Variants in CARD10 observed in about 807,000 individuals in gnomAD.
CARD10 encodes caspase recruitment domain family member 10.
In CARD10, 49 loss-of-function variants were observed where a neutral mutation model predicts 114.6. That is an observed-to-expected ratio of 0.43 (90% CI 0.34 to 0.54). The LOEUF is 0.54. Among genes scored for constraint, CARD10 ranks in the 20% least tolerant of loss-of-function variants. CARD10 has a pLI of 0.03. For synonymous variants in CARD10, 602 were observed against 593.2 expected (o/e 1.01, Z -0.21); for missense variants, 1,206 against 1,397.2 (o/e 0.86, Z 2.18).
In CARD10 at chr22:37,492,392, G is replaced by A. The variant is rs764156948; in HGVS notation, c.2751+43C>T. ...AGCCCAGAACAGCAGCACCCGCTCT[G>A]GGCCACCTCTGTGAGCACCCCAGGC... On this transcript the variant is annotated intron_variant, in intron 18 of 19. Transcript: ENST00000251973. This position sits in a 1 kb window ranked among gnomAD's most constrained non-coding sequence, Gnocchi z 5.7. 7.1e-7 allele frequency: 1 copy of A among 1,405,368 alleles called. No homozygotes were observed. Among genetic ancestry groups the A allele is most frequent in the Non-Finnish European group, 9.6e-7 (1 of 1,037,798 alleles). The allele number at this position is 1,405,368 out of a possible 1,614,324, so 87.1% of individuals were successfully genotyped here.
At chr22:37,494,049 A>G in intron 16 of CARD10, 37 bp downstream of exon 16, 1 of 1,408,034 alleles carries the variant, frequency 7.1e-7, no homozygotes, top group Non-Finnish European at 9.8e-7. Flanking sequence ...GGACAATGGG[A>G]GCAACACGGG....
chr22:37,508,510 C>G lies in CARD10; in HGVS notation c.1065+17G>C, dbSNP rs747459548. On this transcript the variant is annotated intron_variant, in intron 5 of 19. Coordinates refer to ENST00000251973, the MANE Select transcript of CARD10 (RefSeq NM_014550.4). ...ACACCCTCCCGCACAAGGGGCAGGG[C>G]ACGGGCAGGGCCCCACCTGGTCGCG... 5 of 1,576,978 alleles carry G rather than the reference C, an allele frequency of 3.2e-6. No individual in the cohort carries two copies.
In CARD10 at chr22:37,491,818, T is replaced by C. The variant is rs1247948624; in HGVS notation, c.2801A>G (p.Gln934Arg). 1.3e-6 allele frequency: 2 copies of C among 1,586,124 alleles called. No individual in the cohort carries two copies. The highest frequency in any genetic ancestry group is 2.2e-5 in the South Asian group (2 of 90,236). ...GATGACGATGGGGTAGATCTCGTTC[T>C]GCACCAGCTCCCGCACACCCCGAGC... ...LGARGVRELV[Q>R]NEIYPIVIHV... Residue 934 changes from glutamine (Q) to arginine (R), a missense_variant, in exon 19 of 20, where the codon CAG (glutamine) becomes CGG (arginine). Transcript: ENST00000251973.
chr22:37,500,233 C>T (rs1056479020), intron 11 of CARD10, among the ~76,000 whole-genome samples: 1 of 152,218 alleles, frequency 6.6e-6, no homozygotes, highest in African/African-American at 2.4e-5. Flanking sequence ...AGAATGGGCA[C>T]AGCTAGTGGG....
chr22:37,505,779 T>C (rs1403954037), intron 7 of CARD10, among the ~76,000 whole-genome samples: 2 of 152,118 alleles, frequency 1.3e-5, no homozygotes, highest in African/African-American at 2.4e-5. Flanking sequence ...CTCTGGGCCC[T>C]GTGCGATGAG....
In CARD10 at chr22:37,492,886, C is replaced by T. The variant is rs945666761; in HGVS notation, c.2477-84G>A. On this transcript the variant is annotated intron_variant, in intron 16 of 19. Transcript: ENST00000251973. This position sits in a 1 kb window ranked among gnomAD's most constrained non-coding sequence, Gnocchi z 5.7. ...GTCGATACCCCAAAACCCACCCCGC[C>T]ACCCATCCCTTCCTAAGTCCTGCTG... 16 of 1,414,248 alleles carry T rather than the reference C, an allele frequency of 1.1e-5. No individual in the cohort carries two copies. Among genetic ancestry groups the T allele is most frequent in the Non-Finnish European group, 1.5e-5 (16 of 1,045,306 alleles). The allele number at this position is 1,414,248 out of a possible 1,614,324, so 87.6% of individuals were successfully genotyped here.
chr22:37,508,801 T>C, intron 4 of CARD10, 119 bp from the exon 5 acceptor site: 2 of 1,280,040 alleles, frequency 1.6e-6, no homozygotes, highest in South Asian at 2.9e-5. Flanking sequence ...TCTGCCATGC[T>C]GGCCCGGGGC....
intron 3 of CARD10, among the ~76,000 whole-genome samples, chr22:37,514,445 TC>T (rs534696075): frequency 1.2e-3 from 190 of 152,166 alleles, no homozygotes; most frequent in Admixed American, 2.6e-3. Flanking sequence ...TCAGAAAGCC[TC>T]CGTCTCCTGC....
intron 2 of CARD10, among the ~76,000 whole-genome samples, chr22:37,517,535 G>C (rs999175230): frequency 1.3e-5 from 2 of 152,034 alleles, no homozygotes; most frequent in Non-Finnish European, 2.9e-5. Flanking sequence ...CCAGCTACTC[G>C]GGAGGCTGAG....
chr22:37,505,637 C>CAAA (rs1053786440), intron 7 of CARD10, among the ~76,000 whole-genome samples: 6 of 109,720 alleles, frequency 5.5e-5, no homozygotes, highest in Non-Finnish European at 9.6e-5. Flanking sequence ...GATTCTGTCT[C>CAAA]AAAAAAAAAA....
rs1023894743 is a variant in CARD10 at position 37,501,354 on chromosome 22, A to G, written c.1787+1248T>C. ...CAGCCAGGACCCCTGCTGCAGCCCA[A>G]ACTGGAGGAAGGGAGGAAGGGCCGA... On this transcript the variant is annotated intron_variant, in intron 11 of 19. Transcript: ENST00000251973. The surrounding 1 kb of genome is among the most constrained non-coding windows in gnomAD (Gnocchi z 5.4). Among the ~76,000 whole-genome samples, 3 of 152,120 alleles carry G rather than the reference A, an allele frequency of 2.0e-5. No homozygotes were observed. Among genetic ancestry groups the G allele is most frequent in the Admixed American group, 1.3e-4 (2 of 15,282 alleles).
chr22:37,492,344 C>A lies in CARD10; in HGVS notation c.2751+91G>T. ...CTGCCAGTGAGCAGCAGAGCATGGC[C>A]CGCGCTCAGACGCTGGCGCTCAAGC... On this transcript the variant is annotated intron_variant, in intron 18 of 19. Transcript: ENST00000251973. This position sits in a 1 kb window ranked among gnomAD's most constrained non-coding sequence, Gnocchi z 5.7. The A allele has an allele frequency of 1.0e-6, 1 of 960,778 alleles. No homozygotes were observed. Among genetic ancestry groups the A allele is most frequent in the South Asian group, 1.7e-5 (1 of 58,762 alleles). 59.5% of individuals were successfully genotyped at this position (960,778 alleles called of 1,614,324 possible). A position where few individuals can be genotyped will look rare whatever the true frequency, so the allele number is the denominator to read the frequency against.
chr22:37,497,973 G>A (rs752838523), intron 11 of CARD10, among the ~76,000 whole-genome samples: 7 of 152,108 alleles, frequency 4.6e-5, no homozygotes, highest in Non-Finnish European at 7.3e-5. Flanking sequence ...GGCTTCCCAC[G>A]GAAGAAGTAC....
In CARD10 at chr22:37,492,743, G is replaced by A. The variant is rs755453339; in HGVS notation, c.2536C>T (p.Arg846Trp). The A allele has an allele frequency of 2.5e-6, 4 of 1,612,952 alleles. No individual in the cohort carries two copies. The highest frequency in any genetic ancestry group is 3.4e-6 in the Non-Finnish European group (4 of 1,179,918). ...LVRPLLVSAL[R>W]PVVLLPECLA... ...CACTCAGGCAACAGCACCACGGGCC[G>A]CAGGGCAGACACCAGTAGCGGCCGC... Residue 846 changes from arginine (R) to tryptophan (W), a missense_variant, in exon 17 of 20, where the codon CGG becomes TGG. By Grantham distance (101) the Arg-to-Trp change is moderately radical. Coordinates refer to ENST00000251973, the MANE Select transcript of CARD10 (RefSeq NM_014550.4). The surrounding 1 kb of genome is among the most constrained non-coding windows in gnomAD (Gnocchi z 5.7).
chr22:37,494,339 C>T (rs1922917108), intron 15 of CARD10, 151 bp from the exon 16 acceptor site: 2 of 609,678 alleles, frequency 3.3e-6, no homozygotes. Flanking sequence ...TGTCCTTCTC[C>T]ACCAGGCCCT....
At chr22:37,502,501 G>T in intron 11 of CARD10, 101 bp downstream of exon 11, 2 of 1,326,170 alleles carry the variant, frequency 1.5e-6, no homozygotes, top group Non-Finnish European at 1.0e-6. Flanking sequence ...TCTTCCAATA[G>T]TTGCATAAAA....
chr22:37,506,482 G>T, intron 6 of CARD10, 99 bp from the exon 7 acceptor site: 1 of 865,416 alleles, frequency 1.2e-6, no homozygotes. Flanking sequence ...GAGAATGGCA[G>T]CTATCACTTA....
chr22:37,508,829 C>G, intron 4 of CARD10, 147 bp from the exon 5 acceptor site: 1 of 1,216,254 alleles, frequency 8.2e-7, no homozygotes, highest in South Asian at 1.5e-5. Flanking sequence ...CTCTCTGGAT[C>G]TCTGTCTCCC....
intron 3 of CARD10, among the ~76,000 whole-genome samples, chr22:37,510,829 C>G (rs1452733250): frequency 1.8e-4 from 27 of 152,198 alleles, no homozygotes; most frequent in Admixed American, 1.8e-3. Context: ...AATCCCAGCA[C>G]TTTGGGAGGC....
Sources: allele counts gnomAD v4.1 joint callset (sites outside exome capture counted in the v4.1 genomes callset), GRCh38; gene constraint gnomAD v4.1.1; non-coding constraint Gnocchi (gnomAD v3.1); transcripts MANE v1.5; gene names NCBI Gene and HGNC (gene_info 2026-07-23, HGNC 2026-07-21).